SLC9A9: variants seen among roughly 807,000 people sequenced by gnomAD.
SLC9A9 encodes solute carrier family 9 member A9.
In SLC9A9, 62 loss-of-function variants were observed where a neutral mutation model predicts 77.8. That is an observed-to-expected ratio of 0.80 (90% confidence interval 0.65 to 0.98). SLC9A9 has a LOEUF of 0.98. Ranked by LOEUF, SLC9A9 falls within the 50% of genes least tolerant of loss-of-function variation. The pLI is 0.00. For missense variants in SLC9A9, 775 were observed against 774.9 expected (o/e 1.00, Z 0.00); for synonymous variants, 320 against 283.5 (o/e 1.13, Z -1.29).
chr3:143,801,441 T>C (rs1339455883), intron 2 of SLC9A9, among the ~76,000 whole-genome samples: 2 of 152,120 alleles, frequency 1.3e-5, no homozygotes, highest in Admixed American at 1.3e-4. Flanking sequence ...TACTTTCTGC[T>C]CCCCAGCTCC....
At chr3:143,519,580 G>C (rs934400440) in intron 9 of SLC9A9, among the ~76,000 whole-genome samples, 5 of 152,160 alleles carry the variant, frequency 3.3e-5, no homozygotes, top group Admixed American at 3.3e-4. Flanking sequence ...GACATGATCT[G>C]ATAATGCTTT....
At chr3:143,721,856 T>G (rs6807319) in intron 4 of SLC9A9, among the ~76,000 whole-genome samples, 110,894 of 152,088 alleles carry the variant, frequency 0.73, 41,007 homozygotes, top group East Asian at 1. Context: ...AATACACTTG[T>G]AGTCCAATGG....
chr3:143,398,675 GCTAT>G (rs143055678), intron 12 of SLC9A9, among the ~76,000 whole-genome samples: 4,845 of 152,076 alleles, frequency 0.032, 269 homozygotes, highest in African/African-American at 0.11. Context: ...GTTGCTTCAG[GCTAT>G]CTATCACCAA....
At chr3:143,765,091 CTCTT>C (rs1020316116) in intron 4 of SLC9A9, among the ~76,000 whole-genome samples, 45 of 132,418 alleles carry the variant, frequency 3.4e-4, no homozygotes, top group Admixed American at 1.4e-3. Flanking sequence ...TTTTCTTTCT[CTCTT>C]TCTTTCTTTC....
intron 12 of SLC9A9, among the ~76,000 whole-genome samples, chr3:143,466,566 C>T (rs1399791248): frequency 6.6e-6 from 1 of 152,182 alleles, no homozygotes; most frequent in Non-Finnish European, 1.5e-5. Flanking sequence ...GCATATGGCT[C>T]ACTAAGCAAG....
At chr3:143,311,528 G>T (rs567510928) in intron 14 of SLC9A9, among the ~76,000 whole-genome samples, 1 of 152,280 alleles carries the variant, frequency 6.6e-6, no homozygotes, top group South Asian at 2.1e-4. Flanking sequence ...TCCTTCCTGG[G>T]CAGGTTGGGT....
At chr3:143,838,941 T>A (rs1279812788) in intron 1 of SLC9A9, among the ~76,000 whole-genome samples, 2 of 152,238 alleles carry the variant, frequency 1.3e-5, no homozygotes, top group African/African-American at 2.4e-5. Context: ...TCCCTTCCCA[T>A]TTTATAAAAG....
At chr3:143,609,627 T>G (rs754133148) in intron 6 of SLC9A9, among the ~76,000 whole-genome samples, 27 of 152,318 alleles carry the variant, frequency 1.8e-4, no homozygotes, top group Admixed American at 3.9e-4. Flanking sequence ...ACCTAAATAC[T>G]GTTACTATTC....
intron 4 of SLC9A9, among the ~76,000 whole-genome samples, chr3:143,718,489 C>T (rs1179354343): frequency 2.0e-5 from 3 of 152,168 alleles, no homozygotes; most frequent in African/African-American, 7.2e-5. Context: ...GCACAGACAC[C>T]AATGTGCCCG....
rs753307880 is a variant in SLC9A9 at position 143,477,376 on chromosome 3, AC to A, written c.1316-10187del. Reference sequence around the variant, plus strand: ...CCTCCCCCCGCCGCCCCCTCCCGCCACCCAGATTTCAGGGCTCTATTCTGAG... The same window carrying A: ...CCTCCCCCCGCCGCCCCCTCCCGCCACCAGATTTCAGGGCTCTATTCTGAG... On this transcript the variant is annotated intron_variant, in intron 11 of 15. Transcript: ENST00000316549. Among the ~76,000 whole-genome samples the A allele has an allele frequency of 4.4e-3, 56 of 12,732 alleles. 1 individual carries two copies. The East Asian group carries it at 0.16, about 36-fold the overall frequency. The allele number at this position is 12,732 out of a possible 152,430, so 8.4% of individuals were successfully genotyped here. A position where few individuals can be genotyped will look rare whatever the true frequency, so the allele number is the denominator to read the frequency against.
chr3:143,526,301 A>G (rs544160324), intron 9 of SLC9A9, among the ~76,000 whole-genome samples: 7 of 152,316 alleles, frequency 4.6e-5, no homozygotes, highest in African/African-American at 1.7e-4. Flanking sequence ...GTCTCTGCAC[A>G]TGGAAGTTTC....
intron 14 of SLC9A9, among the ~76,000 whole-genome samples, chr3:143,292,962 C>CTTAT: frequency 6.6e-6 from 1 of 152,248 alleles, no homozygotes; most frequent in Non-Finnish European, 1.5e-5. Context: ...CACTAAGGCT[C>CTTAT]TTATTTCTCT....
At chr3:143,268,748 A>AAAAC in intron 15 of SLC9A9, 127 bp downstream of exon 15, 1 of 512,512 alleles carries the variant, frequency 2.0e-6, no homozygotes. Flanking sequence ...AAAAAAAAAA[A>AAAAC]AAAAAAAAAG....
intron 14 of SLC9A9, among the ~76,000 whole-genome samples, chr3:143,296,459 G>T (rs568132513): frequency 6.6e-6 from 1 of 152,158 alleles, no homozygotes; most frequent in South Asian, 2.1e-4. Flanking sequence ...TTTATCCATT[G>T]ATCCACTGAT....
intron 2 of SLC9A9, among the ~76,000 whole-genome samples, chr3:143,803,507 G>A (rs539718265): frequency 6.6e-6 from 1 of 152,258 alleles, no homozygotes; most frequent in African/African-American, 2.4e-5. Context: ...AGCCATCACA[G>A]CTGTTGTCTC....
chr3:143,489,239 GAAAT>G (rs1478901677), intron 11 of SLC9A9, among the ~76,000 whole-genome samples: 3 of 151,830 alleles, frequency 2.0e-5, no homozygotes, highest in African/African-American at 7.2e-5. Flanking sequence ...AATTAAAGAA[GAAAT>G]AAATAAAGGG....
chr3:143,430,569 T>C (rs550833505), intron 12 of SLC9A9, among the ~76,000 whole-genome samples: 4 of 152,288 alleles, frequency 2.6e-5, no homozygotes, highest in Non-Finnish European at 5.9e-5. Context: ...GTGATAGCCA[T>C]AGTGGAGAGT....
intron 4 of SLC9A9, among the ~76,000 whole-genome samples, chr3:143,778,761 T>C (rs1237517235): frequency 6.6e-6 from 1 of 152,208 alleles, no homozygotes; most frequent in Admixed American, 6.5e-5. Context: ...AAGTTATTCA[T>C]TGGAAGTAAC....
intron 9 of SLC9A9, chr3:143,517,838 T>C: frequency 3.1e-6 from 5 of 1,601,502 alleles, no homozygotes; most frequent in Non-Finnish European, 4.2e-6. Context: ...AATGGCTTTC[T>C]GGAGTTCACC....
Sources: gnomAD v4.1 joint callset for allele counts (sites outside exome capture counted in the v4.1 genomes callset) on GRCh38, gnomAD v4.1.1 for gene constraint, MANE v1.5 for transcripts, NCBI Gene and HGNC (gene_info 2026-07-23, HGNC 2026-07-21) for gene names.